The following ARHGAP31 variants were observed in gnomAD, a reference collection of about 807,000 sequenced individuals.
The protein encoded by ARHGAP31 is rho GTPase-activating protein 31.
A neutral mutation model predicts 113.9 loss-of-function variants in ARHGAP31; 34 were observed. That is an observed-to-expected ratio of 0.30 (90% CI 0.23 to 0.40). ARHGAP31 has a LOEUF of 0.40. ARHGAP31 is among the 10% of genes least tolerant of loss of function. ARHGAP31 has a pLI of 1.00. For synonymous variants in ARHGAP31, 650 were observed against 684.8 expected (o/e 0.95, Z 0.79); for missense variants, 1,548 against 1,767.1 (o/e 0.88, Z 2.22).
At chr3:119,332,358 C>T (rs909378372) in intron 1 of ARHGAP31, among the ~76,000 whole-genome samples, 1 of 151,974 alleles carries the variant, frequency 6.6e-6, no homozygotes, top group Non-Finnish European at 1.5e-5. Flanking sequence ...CGACACCATG[C>T]CTGGCTAATT....
intron 1 of ARHGAP31, among the ~76,000 whole-genome samples, chr3:119,339,478 A>G (rs1304116628): frequency 2.0e-5 from 3 of 152,192 alleles, no homozygotes; most frequent in South Asian, 4.1e-4. Flanking sequence ...TAAAGTGGGA[A>G]GAATCACTCT....
intron 6 of ARHGAP31, among the ~76,000 whole-genome samples, chr3:119,387,184 G>A (rs555287169): frequency 3.3e-5 from 5 of 152,294 alleles, no homozygotes; most frequent in African/African-American, 9.6e-5. Flanking sequence ...ACCACAGTCC[G>A]CCTGGTAACG....
At chr3:119,399,310 T>G in intron 9 of ARHGAP31, 49 bp downstream of exon 9, 3 of 1,490,960 alleles carry the variant, frequency 2.0e-6, no homozygotes, top group South Asian at 2.3e-5. Flanking sequence ...ACTAGGAGGC[T>G]GGAGCTCACT....
rs187357682 is a variant in ARHGAP31 at position 119,392,126 on chromosome 3, A to G, written c.881+1143A>G. ...CCAAGTCCAGAGGAAACCACCAAGCACTGCAAAGCTATCTCAGATGGATCA... is the reference window on the plus strand; with the variant it reads ...CCAAGTCCAGAGGAAACCACCAAGCGCTGCAAAGCTATCTCAGATGGATCA... On this transcript the variant is annotated intron_variant, in intron 7 of 11. Transcript: ENST00000264245. Among the ~76,000 whole-genome samples the G allele has an allele frequency of 8.5e-5, 13 of 152,298 alleles. No homozygotes were observed. The East Asian group carries it at 2.3e-3, about 27-fold the overall frequency.
chr3:119,382,446 C>A, intron 5 of ARHGAP31, 47 bp downstream of exon 5: 2 of 1,533,058 alleles, frequency 1.3e-6, no homozygotes, highest in Non-Finnish European at 1.8e-6. Flanking sequence ...GGGCTCAGAG[C>A]AGCCCCCGAT....
Position 119,403,828 on chromosome 3 carries a change from G to A in ARHGAP31, c.1645+1431G>A, listed in dbSNP as rs543979764. On this transcript the variant is annotated intron_variant, in intron 10 of 11. Transcript: ENST00000264245. ...TTTTGGAACCCAACTGGGCTGATTC[G>A]GATGCTAGCTTTACTGCTTTTTGTC... Among the ~76,000 whole-genome samples, 18 of 152,248 alleles carry A rather than the reference G, an allele frequency of 1.2e-4. No homozygotes were observed. The East Asian group carries it at 3.5e-3, about 29-fold the overall frequency.
chr3:119,360,774 A>C (rs896361099), intron 1 of ARHGAP31, among the ~76,000 whole-genome samples: 3 of 152,256 alleles, frequency 2.0e-5, no homozygotes, highest in Non-Finnish European at 2.9e-5. Context: ...ATTAAAATTT[A>C]ACATTTAAGA....
intron 2 of ARHGAP31, among the ~76,000 whole-genome samples, chr3:119,366,144 A>G (rs78154306): frequency 0.031 from 4,761 of 152,010 alleles, 115 homozygotes; most frequent in East Asian, 0.11. Flanking sequence ...CATAACTTAA[A>G]CAATAGATTT....
intron 8 of ARHGAP31, 75 bp downstream of exon 8, chr3:119,393,666 TC>T: frequency 6.4e-7 from 1 of 1,570,710 alleles, no homozygotes; most frequent in Non-Finnish European, 8.7e-7. Context: ...TTTGGTTTGA[TC>T]ATATCAAACA....
intron 1 of ARHGAP31, among the ~76,000 whole-genome samples, chr3:119,337,520 G>A (rs566897752): frequency 1.3e-5 from 2 of 152,152 alleles, no homozygotes; most frequent in Non-Finnish European, 2.9e-5. Flanking sequence ...CAAATGATTT[G>A]CCACTGTGGG....
At chr3:119,365,489 T>C in intron 2 of ARHGAP31, 71 bp downstream of exon 2, 1 of 1,364,114 alleles carries the variant, frequency 7.3e-7, no homozygotes. Context: ...TGTCCATCGG[T>C]GTCCAGAGTA....
chr3:119,360,894 G>T (rs1272264853), intron 1 of ARHGAP31, among the ~76,000 whole-genome samples: 1 of 152,208 alleles, frequency 6.6e-6, no homozygotes, highest in Non-Finnish European at 1.5e-5. Context: ...GTGTACCTCT[G>T]TAGGAGGAGA....
chr3:119,309,814 C>G (rs72491139), intron 1 of ARHGAP31, among the ~76,000 whole-genome samples: 2 of 152,020 alleles, frequency 1.3e-5, no homozygotes, highest in East Asian at 1.9e-4. Context: ...TTGTCTTCTG[C>G]GAAACCAGTC....
In ARHGAP31 at chr3:119,294,625, C is replaced by T. The variant is rs2079515617; in HGVS notation, c.-280C>T. 1.8e-6 allele frequency: 1 copy of T among 558,114 alleles called. No individual in the cohort carries two copies. Among genetic ancestry groups the T allele is most frequent in the Non-Finnish European group, 3.1e-6 (1 of 321,116 alleles). The allele number at this position is 558,114 out of a possible 1,614,324, so 34.6% of individuals were successfully genotyped here. ...GAGCCTGTGAAAGTCCCTAGGACTC[C>T]AAGTGAGGAAGTGACACTCCCAGGC... On this transcript the variant is annotated 5_prime_UTR_variant, in exon 1 of 12. Transcript: ENST00000264245.
intron 3 of ARHGAP31, among the ~76,000 whole-genome samples, chr3:119,376,369 A>T (rs1286116379): frequency 6.6e-6 from 1 of 152,118 alleles, no homozygotes; most frequent in Middle Eastern, 3.2e-3. Context: ...TGCGCCTGTA[A>T]TCCCAGCTAC....
intron 9 of ARHGAP31, among the ~76,000 whole-genome samples, chr3:119,400,276 AAT>A: frequency 6.6e-6 from 1 of 152,232 alleles, no homozygotes; most frequent in South Asian, 2.1e-4. Context: ...TACTAAAAAA[AAT>A]ACAAGAAATT....
chr3:119,386,995 C>A (rs949576936), intron 6 of ARHGAP31, among the ~76,000 whole-genome samples: 2 of 152,208 alleles, frequency 1.3e-5, no homozygotes, highest in South Asian at 4.1e-4. Context: ...TGAAGCACAG[C>A]ATCACAGGGA....
chr3:119,317,981 G>C (rs1169176042), intron 1 of ARHGAP31, among the ~76,000 whole-genome samples: 1 of 152,090 alleles, frequency 6.6e-6, no homozygotes, highest in Non-Finnish European at 1.5e-5. Context: ...TTCAGCTGAA[G>C]AGTCCTGTCA....
intron 7 of ARHGAP31, among the ~76,000 whole-genome samples, chr3:119,392,302 G>T (rs545744251): frequency 6.6e-6 from 1 of 152,232 alleles, no homozygotes; most frequent in East Asian, 1.9e-4. Flanking sequence ...AAAAATATCA[G>T]CCGGGTGTGG....
Sources: gnomAD v4.1 joint callset for allele counts (sites outside exome capture counted in the v4.1 genomes callset) on GRCh38, gnomAD v4.1.1 for gene constraint, MANE v1.5 for transcripts, NCBI Gene and HGNC (gene_info 2026-07-23, HGNC 2026-07-21) for gene names.